CEP63: variants seen among roughly 807,000 people sequenced by gnomAD.
The protein encoded by CEP63 is centrosomal protein of 63 kDa.
A neutral mutation model predicts 89.1 loss-of-function variants in CEP63; 84 were observed. The ratio of observed to expected loss-of-function variants is 0.94; its 90% confidence interval spans 0.79 to 1.13. The LOEUF (loss-of-function observed/expected upper bound fraction) is 1.13. Ranked by LOEUF, CEP63 falls within the 50% of genes most tolerant of loss-of-function variation. The pLI is 0.00. For synonymous variants in CEP63, 267 were observed against 272.5 expected (o/e 0.98, Z 0.20); for missense variants, 838 against 813.3 (o/e 1.03, Z -0.37).
At chr3:134,530,773 C>T (rs1051750280) in intron 3 of CEP63, among the ~76,000 whole-genome samples, 1 of 152,016 alleles carries the variant, frequency 6.6e-6, no homozygotes, top group African/African-American at 2.4e-5. Context: ...AAGTTTCTTA[C>T]AAAAATAAAT....
At chr3:134,681,853 A>G in the CEP63 span, among the ~76,000 whole-genome samples, 1 of 152,198 alleles carries the variant, frequency 6.6e-6, no homozygotes, top group Non-Finnish European at 1.5e-5. Context: ...CCATCTTATA[A>G]TATTTGAAGA....
the CEP63 span, among the ~76,000 whole-genome samples, chr3:134,638,197 T>G: frequency 6.6e-6 from 1 of 152,200 alleles, no homozygotes; most frequent in African/African-American, 2.4e-5. Flanking sequence ...ACACGCTGTT[T>G]CAAGGGGAAA....
At chr3:134,629,435 G>T in the CEP63 span, 3 of 560,290 alleles carry the variant, frequency 5.4e-6, no homozygotes, top group Non-Finnish European at 9.7e-6. Flanking sequence ...CAAAATCAGC[G>T]GTAGCTGGGT....
the CEP63 span, among the ~76,000 whole-genome samples, chr3:134,669,718 G>A: frequency 2.6e-5 from 4 of 152,154 alleles, no homozygotes; most frequent in African/African-American, 4.8e-5. Flanking sequence ...AAAGTGTCTG[G>A]TTAATTGAAT....
chr3:134,538,533 G>GTATATC (rs1951281195), intron 6 of CEP63, among the ~76,000 whole-genome samples: 1 of 101,372 alleles, frequency 9.9e-6, no homozygotes, highest in Non-Finnish European at 2.1e-5. Flanking sequence ...GTGTGTGTGT[G>GTATATC]TATATATATA....
At chr3:134,764,371 A>T in the CEP63 span, among the ~76,000 whole-genome samples, 1 of 152,190 alleles carries the variant, frequency 6.6e-6, no homozygotes, top group Non-Finnish European at 1.5e-5. Flanking sequence ...TCTTTGCCTC[A>T]CAGTGTAGCA....
the CEP63 span, chr3:134,643,326 G>T: frequency 6.2e-7 from 1 of 1,613,806 alleles, no homozygotes; most frequent in South Asian, 1.1e-5. Context: ...CTTGGCTGTT[G>T]TAGGAAGTGA....
At chr3:134,489,810 A>T (rs369840231) in intron 1 of CEP63, among the ~76,000 whole-genome samples, 1 of 152,208 alleles carries the variant, frequency 6.6e-6, no homozygotes, top group African/African-American at 2.4e-5. Context: ...CTCCAAAGGT[A>T]ACCATGAGGG....
the CEP63 span, among the ~76,000 whole-genome samples, chr3:134,746,225 C>G: frequency 6.6e-6 from 1 of 151,830 alleles, no homozygotes; most frequent in East Asian, 1.9e-4. Context: ...CAGCTTTATC[C>G]ATGTCCCTAC....
At chr3:134,711,870 C>G in the CEP63 span, among the ~76,000 whole-genome samples, 1 of 151,042 alleles carries the variant, frequency 6.6e-6, no homozygotes, top group African/African-American at 2.4e-5. Flanking sequence ...TCAAGTGATT[C>G]TCCTGCTTCA....
the CEP63 span, among the ~76,000 whole-genome samples, chr3:134,747,096 TGTATAAG>T: frequency 0.53 from 79,934 of 151,140 alleles, 23,859 homozygotes; most frequent in East Asian, 0.78. Context: ...AATTAATTTT[TGTATAAG>T]GTATAAGGAA....
intron 3 of CEP63, among the ~76,000 whole-genome samples, chr3:134,522,162 C>T (rs1559932688): frequency 6.6e-6 from 1 of 152,140 alleles, no homozygotes; most frequent in Non-Finnish European, 1.5e-5. Flanking sequence ...TTACTTCCTA[C>T]CTTTCTCCTT....
At chr3:134,636,692 G>A in the CEP63 span, among the ~76,000 whole-genome samples, 3 of 152,230 alleles carry the variant, frequency 2.0e-5, no homozygotes, top group Non-Finnish European at 2.9e-5. Context: ...TGGTGAGCTC[G>A]TAAATGCTTA....
At chr3:134,584,956 G>GTTTTTTTTTTTTTTTTTT (rs780691730) in intron 10 of CEP63, among the ~76,000 whole-genome samples, 1,577 of 33,890 alleles carry the variant, frequency 0.047, 143 homozygotes, top group South Asian at 0.06. Flanking sequence ...ATTTTCTAGG[G>GTTTTTTTTTTTTTTTTTT]TTTTTTTTTT....
the CEP63 span, among the ~76,000 whole-genome samples, chr3:134,696,676 G>A: frequency 6.5e-3 from 995 of 152,262 alleles, 2 homozygotes; most frequent in Non-Finnish European, 9.8e-3. Context: ...GTGTTTCCAT[G>A]CCCACGTGTG....
At chr3:134,532,086 G>T in intron 4 of CEP63, 146 bp downstream of exon 4, 1 of 615,820 alleles carries the variant, frequency 1.6e-6, no homozygotes, top group South Asian at 2.0e-5. Flanking sequence ...CCATTTCTCT[G>T]TTCTTTAATC....
the CEP63 span, among the ~76,000 whole-genome samples, chr3:134,667,049 G>A: frequency 2.0e-5 from 3 of 152,062 alleles, no homozygotes; most frequent in Non-Finnish European, 2.9e-5. Context: ...CTCCTCCCCC[G>A]CGTCCTCCCC....
intron 3 of CEP63, among the ~76,000 whole-genome samples, chr3:134,529,286 TAC>T (rs1436005524): frequency 1.3e-5 from 2 of 151,782 alleles, no homozygotes; most frequent in Non-Finnish European, 2.9e-5. Flanking sequence ...TTTATAAACA[TAC>T]AGATTTTTTC....
At chr3:134,684,608 G>A in the CEP63 span, among the ~76,000 whole-genome samples, 1 of 152,214 alleles carries the variant, frequency 6.6e-6, no homozygotes, top group African/African-American at 2.4e-5. Flanking sequence ...GCAAAGGTAG[G>A]GCCGACTGGG....
Sources: gnomAD v4.1 joint callset for allele counts (sites outside exome capture counted in the v4.1 genomes callset) on GRCh38, gnomAD v4.1.1 for gene constraint, MANE v1.5 for transcripts, NCBI Gene and HGNC (gene_info 2026-07-23, HGNC 2026-07-21) for gene names.